Variants in SS18 observed in about 807,000 individuals in gnomAD.
The protein encoded by SS18 is SS18 subunit of BAF chromatin remodeling complex.
In SS18, 28 loss-of-function variants were observed where a neutral mutation model predicts 72.5. The observed-to-expected ratio is 0.39, with a 90% CI of 0.29 to 0.53. The LOEUF (loss-of-function observed/expected upper bound fraction) is 0.53, where lower values mean the gene tolerates loss of function less well. Ranked by LOEUF, SS18 falls within the 20% of genes least tolerant of loss-of-function variation. The pLI is 0.76. For synonymous variants in SS18, 172 were observed against 164.2 expected, an observed-to-expected ratio of 1.05 and a Z score of -0.37; for missense variants, 518 against 535.3, an observed-to-expected ratio of 0.97 and a Z score of 0.32.
chr18:26,054,484 A>G (rs564915086), intron 4 of SS18, among the ~76,000 whole-genome samples: 1 of 152,324 alleles, frequency 6.6e-6, no homozygotes, highest in South Asian at 2.1e-4. Context: ...ATAATTCATA[A>G]TAACAAAAGA....
intron 3 of SS18, among the ~76,000 whole-genome samples, chr18:26,064,128 C>T (rs933152653): frequency 1.3e-5 from 2 of 152,016 alleles, no homozygotes; most frequent in Non-Finnish European, 2.9e-5. Flanking sequence ...TGAAACAATC[C>T]TCTATTTATT....
At chr18:26,078,768 T>C (rs1157180399) in intron 2 of SS18, among the ~76,000 whole-genome samples, 1 of 152,182 alleles carries the variant, frequency 6.6e-6, no homozygotes. Flanking sequence ...ACGCCTGTAA[T>C]TCCAGCTACT....
chr18:26,065,464 CAACT>C (rs988670093), intron 3 of SS18, among the ~76,000 whole-genome samples: 61 of 152,100 alleles, frequency 4.0e-4, no homozygotes, highest in Admixed American at 2.0e-3. Context: ...GGTGCTGGAT[CAACT>C]AACTATCACA....
chr18:26,082,248 G>A (rs2054537136), intron 2 of SS18: 1 of 345,662 alleles, frequency 2.9e-6, no homozygotes, highest in South Asian at 1.2e-4. Flanking sequence ...CTCCCACAGA[G>A]GCCACTAAGA....
intron 4 of SS18, 122 bp downstream of exon 4, chr18:26,057,467 A>C: frequency 8.9e-7 from 1 of 1,124,634 alleles, no homozygotes; most frequent in Non-Finnish European, 1.3e-6. Flanking sequence ...ACTCTAAGAG[A>C]GCTTGTACTC....
intron 2 of SS18, among the ~76,000 whole-genome samples, chr18:26,079,502 C>G (rs2054478828): frequency 6.6e-6 from 1 of 152,214 alleles, no homozygotes. Context: ...CTAAAGTTCT[C>G]TAATTCAGAT....
intron 3 of SS18, among the ~76,000 whole-genome samples, chr18:26,060,135 G>C (rs1366846498): frequency 6.6e-6 from 1 of 152,134 alleles, no homozygotes; most frequent in Non-Finnish European, 1.5e-5. Flanking sequence ...TTAAAAACTG[G>C]AAAAAACTCA....
chr18:26,035,639 A>T lies in SS18; in HGVS notation c.973+192T>A. On this transcript the variant is annotated intron_variant, in intron 8 of 10. Transcript: ENST00000415083. This position sits in a 1 kb window ranked among gnomAD's most constrained non-coding sequence, Gnocchi z 4.4. ...TCTTTTTATTATTGTTAGAAATGGC[A>T]AGTCATGGTTATACATTTTAAATAT... 4.9e-6 allele frequency: 2 copies of T among 407,096 alleles called. No homozygotes were observed. The highest frequency in any genetic ancestry group is 4.3e-6 in the Non-Finnish European group (1 of 230,382). The allele number at this position is 407,096 out of a possible 1,614,324, so 25.2% of individuals were successfully genotyped here.
upstream of SS18, chr18:26,090,636 C>G (rs965197319): frequency 5.4e-6 from 8 of 1,490,054 alleles, no homozygotes; most frequent in Middle Eastern, 1.7e-4. Flanking sequence ...GGGGGAGAGA[C>G]GCCGGCCTCT....
At position 26,057,686 on chromosome 18, in the gene SS18, G is replaced by C. The variant is rs1157952584; in HGVS notation, c.288C>G (p.Pro96=). The change falls in exon 4 of 11, where the codon CCC becomes CCG. Residue 96 remains proline, a synonymous_variant. Transcript: ENST00000415083. ...GPGGMNQSGP[P]PPPRSHNMPS... ...GCATGTTGTGAGAGCGTGGAGGTGGGGGAGGGCCGCTCTGATTCATCCCTC... is the reference window on the plus strand; with the variant it reads ...GCATGTTGTGAGAGCGTGGAGGTGGCGGAGGGCCGCTCTGATTCATCCCTC... 5 of 1,614,076 alleles carry C rather than the reference G, an allele frequency of 3.1e-6. No individual in the cohort carries two copies. Among genetic ancestry groups the C allele is most frequent in the Non-Finnish European group, 2.5e-6 (3 of 1,180,014 alleles).
At chr18:26,056,214 A>T (rs1044176112) in intron 4 of SS18, among the ~76,000 whole-genome samples, 1 of 152,228 alleles carries the variant, frequency 6.6e-6, no homozygotes, top group Admixed American at 6.5e-5. Flanking sequence ...TGCTGCTCAA[A>T]TGCTTCTTTG....
At chr18:26,018,903 C>G (rs994193542) in intron 10 of SS18, among the ~76,000 whole-genome samples, 1 of 152,128 alleles carries the variant, frequency 6.6e-6, no homozygotes, top group Non-Finnish European at 1.5e-5. Context: ...GAGCCTTTCC[C>G]TGAGGTCAAC....
At chr18:26,064,942 T>G (rs1349632047) in intron 3 of SS18, 1 of 152,080 alleles carries the variant, frequency 6.6e-6, no homozygotes, top group East Asian at 1.9e-4. Context: ...TATATTTCTA[T>G]ATATTTCCAA....
At chr18:26,056,496 G>T (rs1044146290) in intron 4 of SS18, among the ~76,000 whole-genome samples, 1 of 152,140 alleles carries the variant, frequency 6.6e-6, no homozygotes, top group Non-Finnish European at 1.5e-5. Context: ...GCAGGAAATA[G>T]GAGACAGCCA....
At chr18:26,083,877 T>C (rs2054572507) in intron 2 of SS18, among the ~76,000 whole-genome samples, 1 of 152,072 alleles carries the variant, frequency 6.6e-6, no homozygotes, top group Admixed American at 6.5e-5. Context: ...AAGAACATTC[T>C]CAAATATATG....
In SS18 at chr18:26,032,477, A is replaced by C; in HGVS notation, c.1152T>G (p.Gly384=). ...PQYPNYPQGQ[G]QQYGGYRPTQ... is the part of the protein sequence containing the mutation. ...TTGGTCTATATCCTCCATACTGCTG[A>C]CCTTGTCCCTGTGGGTAGTTAGGAT... The change falls in exon 10 of 11, where the codon GGT becomes GGG. Residue 384 remains glycine, a synonymous_variant. Transcript: ENST00000415083. The C allele has an allele frequency of 6.2e-7, 1 of 1,613,826 alleles. No individual in the cohort carries two copies. Among genetic ancestry groups the C allele is most frequent in the Non-Finnish European group, 8.5e-7 (1 of 1,179,866 alleles).
intron 5 of SS18, among the ~76,000 whole-genome samples, chr18:26,043,457 AT>A (rs2053765022): frequency 6.6e-6 from 1 of 152,106 alleles, no homozygotes. Context: ...TACTGCTTAC[AT>A]TTTACTATTT....
At chr18:26,080,283 A>G in intron 2 of SS18, 2 of 961,666 alleles carry the variant, frequency 2.1e-6, no homozygotes. Flanking sequence ...CCAACCAGCC[A>G]TTTTTAATTA....
At chr18:26,068,655 T>C (rs2054260758) in intron 3 of SS18, 1 of 152,174 alleles carries the variant, frequency 6.6e-6, no homozygotes, top group Admixed American at 6.5e-5. Context: ...ACTAATATTA[T>C]CATCTTTACT....
Sources: allele counts gnomAD v4.1 joint callset (sites outside exome capture counted in the v4.1 genomes callset), GRCh38; gene constraint gnomAD v4.1.1; non-coding constraint Gnocchi (gnomAD v3.1); transcripts MANE v1.5; gene names NCBI Gene and HGNC (gene_info 2026-07-23, HGNC 2026-07-21).